Variants in CFAP74 observed in about 807,000 individuals in gnomAD.
The protein encoded by CFAP74 is cilia- and flagella-associated protein 74.
A neutral mutation model predicts 188.9 loss-of-function variants in CFAP74; 124 were observed. The observed-to-expected ratio is 0.66, with a 90% CI of 0.57 to 0.76. The LOEUF (loss-of-function observed/expected upper bound fraction) is 0.76, where lower values mean the gene tolerates loss of function less well. CFAP74 is among the 30% of genes least tolerant of loss of function. The pLI is 0.00. For missense variants in CFAP74, 2,198 were observed against 2,165.2 expected (o/e 1.02, Z -0.30); for synonymous variants, 956 against 916.7 (o/e 1.04, Z -0.77).
intron 6 of CFAP74, among the ~76,000 whole-genome samples, chr1:1,979,169 G>A (rs1184507266): frequency 1.3e-5 from 1 of 78,856 alleles, no homozygotes; most frequent in Non-Finnish European, 2.7e-5. Context: ...CATGTGACAA[G>A]GCTGCACAGA....
rs952864906 is a variant in CFAP74 at position 1,938,849 on chromosome 1, G to C, written c.3011+6C>G. 3.3e-6 allele frequency: 5 copies of C among 1,535,794 alleles called. No individual in the cohort carries two copies. Among genetic ancestry groups the C allele is most frequent in the African/African-American group, 2.7e-5 (2 of 73,054 alleles). On this transcript the variant is annotated splice_donor_region_variant and intron_variant, in intron 25 of 38. Transcript: ENST00000682832. The stretch of plus-strand genomic sequence containing the variant: ...CCCCTGCGTCCCCTCTCCCTGGCAG[G>C]CTCACCGGTTGATCTCAGACTTGCA...
chr1:1,998,086 T>C (rs1305779964), intron 1 of CFAP74, among the ~76,000 whole-genome samples: 1 of 152,166 alleles, frequency 6.6e-6, no homozygotes, highest in Non-Finnish European at 1.5e-5. Flanking sequence ...GAGACCTGCC[T>C]GGCCAATATG....
chr1:1,944,418 A>G lies in CFAP74; in HGVS notation c.2399T>C (p.Val800Ala). Reference protein sequence around the residue: ...HFRVVGVAIDVPVWVPKPSVD... With the variant: ...HFRVVGVAIDAPVWVPKPSVD... ...GCTGGGCTTCGGCACCCAGACCGGC[A>G]CATCGATGGCCACGCCCACGACCCT... The change falls in exon 21 of 39, where the codon GTG becomes GCG. Residue 800 changes from valine to alanine, a missense_variant. Physicochemically the swap from Val to Ala is moderately conservative, Grantham distance 64 (BLOSUM62 0). Transcript: ENST00000682832. 1 of 1,536,100 alleles carries G rather than the reference A, an allele frequency of 6.5e-7. No homozygotes were observed. Among genetic ancestry groups the G allele is most frequent in the Non-Finnish European group, 8.7e-7 (1 of 1,146,884 alleles).
rs377547270 is a variant in CFAP74 at position 1,924,467 on chromosome 1, G to A, written c.4158C>T (p.Leu1386=). The part of the protein sequence containing the change: ...PIKFSMHLDS[L]SSTRGRGQQQ... ...GCTGGCCCCGGCCCCGGGTGCTGGA[G>A]AGGCTGTCCAGGTGCATGGAGAACT... Residue 1386 remains leucine (L), a synonymous_variant, in exon 34 of 39, where the codon CTC becomes CTT. Coordinates refer to ENST00000682832, the MANE Select transcript of CFAP74 (RefSeq NM_001304360.2). 49 of 1,598,752 alleles carry A rather than the reference G, an allele frequency of 3.1e-5. No individual in the cohort carries two copies. Among genetic ancestry groups the A allele is most frequent in the Middle Eastern group, 3.3e-4 (2 of 6,030 alleles).
At chr1:1,941,281 G>A (rs1441911663) in intron 22 of CFAP74, among the ~76,000 whole-genome samples, 3 of 152,132 alleles carry the variant, frequency 2.0e-5, no homozygotes, top group Non-Finnish European at 2.9e-5. Flanking sequence ...TGCCTGCTGC[G>A]CCCACCTCCC....
chr1:1,963,308 A>C (rs1418669405), intron 14 of CFAP74, among the ~76,000 whole-genome samples: 3 of 151,960 alleles, frequency 2.0e-5, no homozygotes, highest in African/African-American at 7.3e-5. Flanking sequence ...AAAATTAGCC[A>C]GGCGTAGTGG....
intron 18 of CFAP74, among the ~76,000 whole-genome samples, chr1:1,949,303 T>C (rs1012105063): frequency 1.9e-4 from 29 of 151,852 alleles, no homozygotes; most frequent in East Asian, 1.2e-3. Context: ...AGATTACAGG[T>C]GCGTGCCACG....
intron 15 of CFAP74, among the ~76,000 whole-genome samples, chr1:1,959,474 C>T (rs567668902): frequency 2.2e-4 from 34 of 152,292 alleles, no homozygotes; most frequent in African/African-American, 7.7e-4. Flanking sequence ...CCATGTTGCC[C>T]AGGCTGGTCT....
intron 25 of CFAP74, among the ~76,000 whole-genome samples, chr1:1,933,697 G>A (rs991711343): frequency 2.6e-5 from 4 of 152,000 alleles, no homozygotes; most frequent in African/African-American, 9.7e-5. Context: ...TCTTGCTGGG[G>A]GTAATGAATT....
At chr1:1,939,479 G>C in intron 24 of CFAP74, 115 bp downstream of exon 24, 4 of 1,033,572 alleles carry the variant, frequency 3.9e-6, no homozygotes, top group Admixed American at 2.3e-5. Context: ...GCTGAGAGGC[G>C]GAAGTTGGGC....
chr1:1,927,888 C>T (rs985949401), intron 27 of CFAP74, 142 bp from the exon 28 acceptor site: 2 of 908,552 alleles, frequency 2.2e-6, no homozygotes, highest in Non-Finnish European at 3.3e-6. Flanking sequence ...CCGACCGGCG[C>T]CCGAGGAAGA....
chr1:1,960,035 A>G lies in CFAP74; in HGVS notation c.1695-5T>C, dbSNP rs768560423. 5.5e-5 allele frequency: 87 copies of G among 1,592,622 alleles called. No homozygotes were observed. The highest frequency in any genetic ancestry group is 7.3e-5 in the Non-Finnish European group (86 of 1,171,390). ...AGGGGGCCAGGGGGGTCAAAGCTGC[A>G]GGACGTGACCCATAGCACACGGGGG... On this transcript the variant is annotated splice_polypyrimidine_tract_variant and splice_region_variant and intron_variant, in intron 14 of 38. Transcript: ENST00000682832.
chr1:1,989,159 T>TGAGA (rs139069192), intron 2 of CFAP74, among the ~76,000 whole-genome samples, 186 bp from the exon 3 acceptor site: 3 of 150,116 alleles, frequency 2.0e-5, no homozygotes, highest in Non-Finnish European at 4.5e-5. Flanking sequence ...GCTGGCGCCT[T>TGAGA]GAGAGAGAGA....
intron 6 of CFAP74, among the ~76,000 whole-genome samples, chr1:1,980,068 C>T (rs944967483): frequency 1.4e-5 from 2 of 146,918 alleles, no homozygotes; most frequent in Admixed American, 6.8e-5. Context: ...ACCCTCTTAC[C>T]GCGTGGGGAG....
intron 21 of CFAP74, among the ~76,000 whole-genome samples, chr1:1,943,161 C>T (rs1653505128): frequency 6.6e-6 from 1 of 152,208 alleles, no homozygotes. Context: ...GAGGTACACA[C>T]AACCACAGCC....
chr1:1,947,832 C>A (rs1409842365), intron 18 of CFAP74, among the ~76,000 whole-genome samples: 1 of 152,116 alleles, frequency 6.6e-6, no homozygotes, highest in African/African-American at 2.4e-5. Context: ...CCATGCACAT[C>A]ATTTCTGGGG....
Position 1,972,016 on chromosome 1 carries a change from C to A in CFAP74, c.852G>T (p.Ala284=). 1 of 1,612,586 alleles carries A rather than the reference C, an allele frequency of 6.2e-7. No homozygotes were observed. The highest frequency in any genetic ancestry group is 8.5e-7 in the Non-Finnish European group (1 of 1,179,984). The change falls in exon 9 of 39, where the codon GCG becomes GCT. Residue 284 remains alanine, a synonymous_variant. Transcript: ENST00000682832. ...CHEYMRRRMD[A]VVALKGSISA... ...AGATGCTGCCCTTCAGCGCCACCAC[C>A]GCATCCATGCGTCGCCTCATGTACT...
At position 1,927,691 on chromosome 1, in the gene CFAP74, A is replaced by C; in HGVS notation, c.3443T>G (p.Val1148Gly). ...CTTGTCGCGGTTCTGTGCTCGAAGA[A>C]CGGAGAATGACAGTCCATGCAGGTC... ...RKDLHGLSFS[V>G]LRAQNRDKLF... Residue 1148 changes from valine (V) to glycine (G), a missense_variant, in exon 28 of 39, where the codon GTT (valine) becomes GGT (glycine). Physicochemically the swap from Val to Gly is moderately radical, Grantham distance 109 (BLOSUM62 -3). Coordinates refer to ENST00000682832, the MANE Select transcript of CFAP74 (RefSeq NM_001304360.2). 6.5e-7 allele frequency: 1 copy of C among 1,550,192 alleles called. No homozygotes were observed. Among genetic ancestry groups the C allele is most frequent in the Non-Finnish European group, 8.7e-7 (1 of 1,146,862 alleles).
At chr1:1,978,005 C>T (rs1369154393) in intron 6 of CFAP74, among the ~76,000 whole-genome samples, 1 of 152,196 alleles carries the variant, frequency 6.6e-6, no homozygotes, top group South Asian at 2.1e-4. Flanking sequence ...CACGCCACCA[C>T]ACCCAGCTAA....
Sources: gnomAD v4.1 joint callset for allele counts (sites outside exome capture counted in the v4.1 genomes callset) on GRCh38, gnomAD v4.1.1 for gene constraint, MANE v1.5 for transcripts, NCBI Gene and HGNC (gene_info 2026-07-23, HGNC 2026-07-21) for gene names.